Variants in PLAA observed in about 807,000 individuals in gnomAD.
PLAA encodes phospholipase A2 activating protein.
In PLAA, 48 loss-of-function variants were observed where a neutral mutation model predicts 84.1. The observed-to-expected ratio is 0.57, with a 90% CI of 0.45 to 0.73. The LOEUF (loss-of-function observed/expected upper bound fraction) is 0.73. Among genes scored for constraint, PLAA ranks in the 30% least tolerant of loss-of-function variants. PLAA has a pLI of 0.00. For missense variants in PLAA, 903 were observed against 954.7 expected (o/e 0.95, Z 0.71); for synonymous variants, 392 against 336.6 (o/e 1.16, Z -1.80).
chr9:26,919,193 C>T (rs1038656974), intron 9 of PLAA, 117 bp downstream of exon 9: 2 of 556,954 alleles, frequency 3.6e-6, no homozygotes, highest in African/African-American at 1.9e-5. Context: ...GAAGTAAAAC[C>T]CTGCTGTAGA....
intron 1 of PLAA, 21 bp downstream of exon 1, chr9:26,946,875 CA>C: frequency 6.4e-7 from 1 of 1,557,022 alleles, no homozygotes; most frequent in Non-Finnish European, 8.7e-7. Flanking sequence ...ACAGCCGGGG[CA>C]ACCCGACTCC....
At chr9:26,932,462 T>C (rs932751032) in intron 2 of PLAA, among the ~76,000 whole-genome samples, 1 of 152,372 alleles carries the variant, frequency 6.6e-6, no homozygotes, top group East Asian at 1.9e-4. Context: ...TGAAGATTTA[T>C]TGAAACACAG....
chr9:26,929,953 C>T (rs1410917509), intron 2 of PLAA, among the ~76,000 whole-genome samples: 1 of 152,100 alleles, frequency 6.6e-6, no homozygotes, highest in Non-Finnish European at 1.5e-5. Context: ...AGCCATGATA[C>T]TTGCATTAGT....
intron 6 of PLAA, 62 bp downstream of exon 6, chr9:26,925,763 A>G (rs1824930161): frequency 6.9e-7 from 1 of 1,445,938 alleles, no homozygotes; most frequent in Non-Finnish European, 9.6e-7. Flanking sequence ...ATCTCTGTAC[A>G]CTCTAGTTCC....
chr9:26,933,067 A>G (rs1165101575), intron 2 of PLAA, among the ~76,000 whole-genome samples: 1 of 152,118 alleles, frequency 6.6e-6, no homozygotes, highest in East Asian at 1.9e-4. Flanking sequence ...CAAGAGATCG[A>G]CACCATCCTG....
chr9:26,917,062 T>G, intron 10 of PLAA, 35 bp downstream of exon 10: 3 of 1,546,838 alleles, frequency 1.9e-6, no homozygotes, highest in Non-Finnish European at 2.7e-6. Context: ...ATACATTTAG[T>G]GAAGAAAGAT....
chr9:26,937,329 T>C (rs908594535), intron 1 of PLAA, among the ~76,000 whole-genome samples: 1 of 152,068 alleles, frequency 6.6e-6, no homozygotes, highest in Non-Finnish European at 1.5e-5. Context: ...GTTTACATCT[T>C]AGCCCGATAT....
At chr9:26,928,496 C>T in intron 2 of PLAA, 88 bp from the exon 3 acceptor site, 2 of 925,924 alleles carry the variant, frequency 2.2e-6, no homozygotes, top group East Asian at 2.6e-5. Flanking sequence ...ATTTTAAAAA[C>T]ACTCTTTGAA....
chr9:26,930,091 C>CTTATTA (rs201461032), intron 2 of PLAA, among the ~76,000 whole-genome samples: 3 of 149,538 alleles, frequency 2.0e-5, no homozygotes, highest in African/African-American at 7.4e-5. Context: ...AAGCCAGTGC[C>CTTATTA]TTATTATTAT....
rs537560571 is a variant in PLAA at position 26,926,903 on chromosome 9, T to C, written c.566-343A>G. On this transcript the variant is annotated intron_variant, in intron 4 of 13. Coordinates refer to ENST00000397292, the MANE Select transcript of PLAA (RefSeq NM_001031689.3). ...ATTTATAAAATATATAATATTCAAA[T>C]ATAAAAGAAATATATAACAAAGAGT... 2.5e-3 allele frequency among the ~76,000 whole-genome samples: 381 copies of C among 151,698 alleles called. 2 individuals are homozygous for C. The highest frequency in any genetic ancestry group is 8.9e-3 in the African/African-American group (368 of 41,482).
chr9:26,942,630 C>A (rs965174790), intron 1 of PLAA, among the ~76,000 whole-genome samples: 12 of 152,300 alleles, frequency 7.9e-5, no homozygotes, highest in African/African-American at 2.9e-4. Context: ...CGCCTGTAAT[C>A]CGAGCACTTT....
intron 7 of PLAA, 59 bp from the exon 8 acceptor site, chr9:26,920,443 T>A: frequency 8.8e-7 from 1 of 1,138,184 alleles, no homozygotes; most frequent in Non-Finnish European, 1.2e-6. Flanking sequence ...TGAAAAACAT[T>A]TAAATAGAAA....
At chr9:26,935,786 T>TA (rs1825338448) in intron 1 of PLAA, among the ~76,000 whole-genome samples, 1 of 151,726 alleles carries the variant, frequency 6.6e-6, no homozygotes. Context: ...TGATAACTGA[T>TA]AAGCTAAAAC....
At chr9:26,942,159 CATTT>C (rs1395102163) in intron 1 of PLAA, among the ~76,000 whole-genome samples, 1 of 152,130 alleles carries the variant, frequency 6.6e-6, no homozygotes, top group Non-Finnish European at 1.5e-5. Context: ...GGTCTTAAAA[CATTT>C]ATTACTGATG....
At chr9:26,914,056 A>G in intron 10 of PLAA, 109 bp from the exon 11 acceptor site, 1 of 726,088 alleles carries the variant, frequency 1.4e-6, no homozygotes, top group East Asian at 2.6e-5. Flanking sequence ...TGGCGTCATT[A>G]TATACATAAT....
chr9:26,938,924 A>G (rs964238921), intron 1 of PLAA, among the ~76,000 whole-genome samples: 7 of 152,234 alleles, frequency 4.6e-5, no homozygotes, highest in African/African-American at 1.7e-4. Context: ...TGACACCAAC[A>G]ACCAAAAGGG....
At chr9:26,912,106 G>A (rs891930327) in intron 11 of PLAA, among the ~76,000 whole-genome samples, 3 of 152,154 alleles carry the variant, frequency 2.0e-5, no homozygotes, top group Non-Finnish European at 4.4e-5. Flanking sequence ...GATAAGAGTA[G>A]GCGATCTAGC....
At chr9:26,921,143 G>A (rs1367922563) in intron 7 of PLAA, among the ~76,000 whole-genome samples, 2 of 152,102 alleles carry the variant, frequency 1.3e-5, no homozygotes, top group East Asian at 3.9e-4. Flanking sequence ...CCCAACTTCA[G>A]CCACAGAGCC....
intron 2 of PLAA, among the ~76,000 whole-genome samples, chr9:26,929,681 G>C (rs1024076823): frequency 6.6e-6 from 1 of 152,090 alleles, no homozygotes; most frequent in Non-Finnish European, 1.5e-5. Flanking sequence ...AAAAACTGTT[G>C]TCTTGCACTG....
Sources: allele counts gnomAD v4.1 joint callset (sites outside exome capture counted in the v4.1 genomes callset), GRCh38; gene constraint gnomAD v4.1.1; transcripts MANE v1.5; gene names NCBI Gene and HGNC (gene_info 2026-07-23, HGNC 2026-07-21).